CRADD: variants seen among roughly 807,000 people sequenced by gnomAD.
The protein encoded by CRADD is death domain-containing protein CRADD.
In CRADD, 9 loss-of-function variants were observed where a neutral mutation model predicts 15.5. That is an observed-to-expected ratio of 0.58 (90% CI 0.35 to 1.01). The LOEUF (loss-of-function observed/expected upper bound fraction) is 1.01. CRADD is among the 50% of genes least tolerant of loss of function. The probability of loss-of-function intolerance (pLI) is 0.02; values close to 1 mark genes in which losing one functional copy is unlikely to be tolerated. For synonymous variants in CRADD, 118 were observed against 107.6 expected (o/e 1.10, Z -0.60); for missense variants, 227 against 250.3 (o/e 0.91, Z 0.63).
chr12:93,842,233 G>A (rs1958057646), intron 2 of CRADD, among the ~76,000 whole-genome samples: 1 of 152,184 alleles, frequency 6.6e-6, no homozygotes, highest in Non-Finnish European at 1.5e-5. Context: ...GGTGAAAACA[G>A]GAGGTTGACC....
chr12:93,878,943 TG>T (rs1958476678), intron 2 of CRADD, among the ~76,000 whole-genome samples: 1 of 152,240 alleles, frequency 6.6e-6, no homozygotes, highest in African/African-American at 2.4e-5. Flanking sequence ...GTGTCCTTGC[TG>T]GGGGGAAGAT....
intron 2 of CRADD, among the ~76,000 whole-genome samples, chr12:93,702,267 G>A (rs1343270035): frequency 2.6e-5 from 4 of 152,212 alleles, no homozygotes; most frequent in South Asian, 2.1e-4. Context: ...ACGAGTTGTT[G>A]GATGATCTTG....
intron 2 of CRADD, among the ~76,000 whole-genome samples, chr12:93,810,107 T>G (rs1006409588): frequency 2.6e-5 from 4 of 152,242 alleles, no homozygotes; most frequent in Non-Finnish European, 5.9e-5. Flanking sequence ...AGACTCACTC[T>G]TCTTAAGCTA....
At chr12:93,846,141 A>C (rs115847960) in intron 2 of CRADD, among the ~76,000 whole-genome samples, 203 of 152,304 alleles carry the variant, frequency 1.3e-3, no homozygotes, top group African/African-American at 4.9e-3. Flanking sequence ...GCTGAATAAT[A>C]TTCTATTGTA....
In CRADD at chr12:93,824,568, A is replaced by T. The variant is rs938629937; in HGVS notation, c.299-25402A>T. Among the ~76,000 whole-genome samples, 3 of 152,228 alleles carry T rather than the reference A, an allele frequency of 2.0e-5. No individual in the cohort carries two copies. The highest frequency in any genetic ancestry group is 4.4e-5 in the Non-Finnish European group (3 of 68,034). Reference sequence around the variant, plus strand: ...AAAAATTGCTTTGAAGAGTATATTTACTAGAGTTCAGTTTACTTAGGGAAC... The same window carrying T: ...AAAAATTGCTTTGAAGAGTATATTTTCTAGAGTTCAGTTTACTTAGGGAAC... On this transcript the variant is annotated intron_variant, in intron 2 of 2. Coordinates refer to ENST00000332896, the MANE Select transcript of CRADD (RefSeq NM_003805.5). This position sits in a 1 kb window ranked among gnomAD's most constrained non-coding sequence, Gnocchi z 4.3.
At chr12:93,841,909 G>A (rs1019909740) in intron 2 of CRADD, among the ~76,000 whole-genome samples, 2 of 151,942 alleles carry the variant, frequency 1.3e-5, no homozygotes, top group Admixed American at 1.3e-4. Flanking sequence ...CGTGAGCTGG[G>A]GTGACTGGTA....
intron 2 of CRADD, among the ~76,000 whole-genome samples, chr12:93,877,615 A>G (rs10859607): frequency 0.057 from 8,630 of 152,126 alleles, 286 homozygotes; most frequent in Admixed American, 0.11. Flanking sequence ...GAGGAGGCTC[A>G]CTCTGTAGCC....
chr12:93,719,959 T>C (rs1486517428), intron 2 of CRADD, among the ~76,000 whole-genome samples: 1 of 152,142 alleles, frequency 6.6e-6, no homozygotes, highest in Non-Finnish European at 1.5e-5. Context: ...TTTTATACTT[T>C]TTTTTGCTTT....
intron 2 of CRADD, among the ~76,000 whole-genome samples, chr12:93,688,351 A>G (rs778710948): frequency 2.0e-5 from 3 of 152,136 alleles, no homozygotes; most frequent in Non-Finnish European, 2.9e-5. Flanking sequence ...AAAAATACAA[A>G]AAGTAGCTGG....
At chr12:93,684,069 T>C (rs968048374) in intron 2 of CRADD, among the ~76,000 whole-genome samples, 5 of 152,176 alleles carry the variant, frequency 3.3e-5, no homozygotes, top group African/African-American at 1.2e-4. Context: ...CCCAGCCCGA[T>C]TTTCATATAC....
At chr12:93,890,763 C>T (rs113940717) in intron 2 of CRADD, among the ~76,000 whole-genome samples, 1 of 144,296 alleles carries the variant, frequency 6.9e-6, no homozygotes. Context: ...TTCTTTCTTT[C>T]TTTTTTTTTT....
chr12:93,684,160 GC>G (rs1955382952), intron 2 of CRADD, among the ~76,000 whole-genome samples: 3 of 152,168 alleles, frequency 2.0e-5, no homozygotes, highest in Non-Finnish European at 4.4e-5. Context: ...GGGCATTCAT[GC>G]GTTCATCCAG....
In CRADD at chr12:93,835,215, A is replaced by G. The variant is rs552709234; in HGVS notation, c.299-14755A>G. ...ATGATTACCTTACCTTTATACTTCA[A>G]TATCATCCCTAGGAGTAATATTTAT... On this transcript the variant is annotated intron_variant, in intron 2 of 2. Transcript: ENST00000332896. Among the ~76,000 whole-genome samples the G allele has an allele frequency of 1.8e-4, 28 of 152,286 alleles. 1 individual carries two copies. Among genetic ancestry groups the G allele is most frequent in the African/African-American group, 6.5e-4 (27 of 41,536 alleles).
intron 2 of CRADD, among the ~76,000 whole-genome samples, chr12:93,772,403 A>T (rs1005623681): frequency 6.6e-6 from 1 of 152,212 alleles, no homozygotes; most frequent in African/African-American, 2.4e-5. Context: ...AGGATTGCTT[A>T]TTTCTTTTTA....
intron 2 of CRADD, among the ~76,000 whole-genome samples, chr12:93,856,553 C>G (rs978343627): frequency 1.3e-5 from 2 of 152,216 alleles, no homozygotes; most frequent in African/African-American, 4.8e-5. Flanking sequence ...GCATGTTGGT[C>G]TCTTTGGGAG....
intron 2 of CRADD, chr12:93,790,893 A>G (rs1957341085): frequency 7.5e-6 from 1 of 133,442 alleles, no homozygotes; most frequent in African/African-American, 3.0e-5. Context: ...TCCTCCAAGA[A>G]ATAAAATGCC....
At chr12:93,713,973 A>G (rs761620513) in intron 2 of CRADD, among the ~76,000 whole-genome samples, 1 of 152,226 alleles carries the variant, frequency 6.6e-6, no homozygotes, top group Non-Finnish European at 1.5e-5. Context: ...GAACTGGTGG[A>G]TATCACTGTG....
intron 2 of CRADD, among the ~76,000 whole-genome samples, chr12:93,786,638 A>G (rs1957280923): frequency 6.6e-6 from 1 of 152,178 alleles, no homozygotes; most frequent in Admixed American, 6.5e-5. Flanking sequence ...TTAAGAGACA[A>G]CATTCAGAGG....
At chr12:93,893,614 T>G (rs1202799621) in intron 2 of CRADD, among the ~76,000 whole-genome samples, 2 of 152,170 alleles carry the variant, frequency 1.3e-5, no homozygotes, top group Non-Finnish European at 2.9e-5. Context: ...TTCTTTAAAT[T>G]TAAGCACTAG....
Sources: gnomAD v4.1 joint callset for allele counts (sites outside exome capture counted in the v4.1 genomes callset) on GRCh38, gnomAD v4.1.1 for gene constraint, Gnocchi (gnomAD v3.1) non-coding constraint, MANE v1.5 for transcripts, NCBI Gene and HGNC (gene_info 2026-07-23, HGNC 2026-07-21) for gene names.